Variants in MRPL12 observed in about 807,000 individuals in gnomAD.
MRPL12 encodes the protein mitochondrial ribosomal protein L12.
Under a neutral mutation model 21.1 loss-of-function variants are expected in MRPL12, and 13 were observed. The ratio of observed to expected loss-of-function variants is 0.62; its 90% CI spans 0.40 to 0.98. The LOEUF (loss-of-function observed/expected upper bound fraction) is 0.98, where lower values mean the gene tolerates loss of function less well. MRPL12 is among the 50% of genes least tolerant of loss of function. The pLI is 0.00. For synonymous variants in MRPL12, 126 were observed against 115.3 expected, an observed-to-expected ratio of 1.09 and a Z score of -0.60; for missense variants, 251 against 268.6, an observed-to-expected ratio of 0.93 and a Z score of 0.46.
At position 81,707,249 on chromosome 17, in the gene MRPL12, T is replaced by G. The variant is rs768058775; in HGVS notation, c.*9T>G. On this transcript the variant is annotated 3_prime_UTR_variant, in exon 5 of 5. Coordinates refer to ENST00000333676, the MANE Select transcript of MRPL12 (RefSeq NM_002949.4). ...CCGTGGTTCTGGAGTAGCCTCCAGC[T>G]CGGAGGACTTGTGTTCAGGGGTCCT... is the stretch of plus-strand genomic sequence containing the variant. 2 of 1,572,362 alleles carry G rather than the reference T, an allele frequency of 1.3e-6. No homozygotes were observed. Among genetic ancestry groups the G allele is most frequent in the South Asian group, 2.4e-5 (2 of 84,644 alleles).
chr17:81,704,001 AAC>A (rs2037285331), intron 1 of MRPL12, among the ~76,000 whole-genome samples: 1 of 152,204 alleles, frequency 6.6e-6, no homozygotes, highest in African/African-American at 2.4e-5. Context: ...GCTGCAAATA[AAC>A]ACGTGGCTTT....
At position 81,706,196 on chromosome 17, in the gene MRPL12, C is replaced by T. The variant is rs553324541; in HGVS notation, c.346-710C>T. 7.9e-5 allele frequency among the ~76,000 whole-genome samples: 12 copies of T among 152,282 alleles called. No homozygotes were observed. The South Asian group carries it at 2.3e-3, about 29-fold the overall frequency. On this transcript the variant is annotated intron_variant, in intron 3 of 4. Coordinates refer to ENST00000333676, the MANE Select transcript of MRPL12 (RefSeq NM_002949.4). ...CACTTTTGGTGTCGTTCTTTCCTGTCTCATAAGTTACGCTTTCTAAGCGAG... is the reference window on the plus strand; with the variant it reads ...CACTTTTGGTGTCGTTCTTTCCTGTTTCATAAGTTACGCTTTCTAAGCGAG...
intron 3 of MRPL12, among the ~76,000 whole-genome samples, chr17:81,705,778 T>C (rs1225913126): frequency 1.3e-5 from 2 of 152,178 alleles, no homozygotes; most frequent in South Asian, 2.1e-4. Flanking sequence ...CCTCAGCCCC[T>C]TTCCCCCACT....
intron 1 of MRPL12, 90 bp downstream of exon 1, chr17:81,703,665 G>C: frequency 1.7e-6 from 2 of 1,180,612 alleles, no homozygotes; most frequent in Non-Finnish European, 2.2e-6. Flanking sequence ...GAGGGCGGCG[G>C]GGCCGGCCTC....
At position 81,704,353 on chromosome 17, in the gene MRPL12, C is replaced by A; in HGVS notation, c.184C>A (p.Pro62Thr). 1 of 1,613,708 alleles carries A rather than the reference C, an allele frequency of 6.2e-7. No homozygotes were observed. The highest frequency in any genetic ancestry group is 8.5e-7 in the Non-Finnish European group (1 of 1,179,952). The change falls in exon 2 of 5, where the codon CCC becomes ACC. Residue 62 changes from proline (P) to threonine (T), a missense_variant. By Grantham distance (38) the Pro-to-Thr change is conservative (BLOSUM62 -1). Coordinates refer to ENST00000333676, the MANE Select transcript of MRPL12 (RefSeq NM_002949.4). ...GGATAACGCCCCCAAGGAGTACCCC[C>A]CCAAGATACAGCAGCTGGTCCAGGA... ...PLDNAPKEYP[P>T]KIQQLVQDIA...
Position 81,707,401 on chromosome 17 carries a change from C to T in MRPL12, c.*161C>T. 1 of 707,126 alleles carries T rather than the reference C, an allele frequency of 1.4e-6. No homozygotes were observed. The highest frequency in any genetic ancestry group is 1.9e-5 in the South Asian group (1 of 51,376). The allele number at this position is 707,126 out of a possible 1,614,324, so 43.8% of individuals were successfully genotyped here. A position where few individuals can be genotyped will look rare whatever the true frequency, so the allele number is the denominator to read the frequency against. On this transcript the variant is annotated 3_prime_UTR_variant, in exon 5 of 5. Transcript: ENST00000333676. ...GGGCCGGACAGGCCGCACAGACCTA[C>T]TGTGGCGGGAGGGAGGGGCGGCTGC... is the stretch of plus-strand genomic sequence containing the variant.
chr17:81,706,849 G>T (rs1011365381), intron 3 of MRPL12, 57 bp from the exon 4 acceptor site: 22 of 1,590,400 alleles, frequency 1.4e-5, no homozygotes, highest in Non-Finnish European at 1.9e-5. Context: ...AGCAGTGGAG[G>T]CGTTAGCTCC....
At chr17:81,703,998 A>G (rs531422491) in intron 1 of MRPL12, among the ~76,000 whole-genome samples, 9 of 152,370 alleles carry the variant, frequency 5.9e-5, no homozygotes, top group African/African-American at 2.2e-4. Context: ...ATGGCTGCAA[A>G]TAAACACGTG....
At position 81,704,613 on chromosome 17, in the gene MRPL12, A is replaced by G. The variant is rs1016011830; in HGVS notation, c.262-20A>G. 1.2e-6 allele frequency: 2 copies of G among 1,613,440 alleles called. No homozygotes were observed. Among genetic ancestry groups the G allele is most frequent in the Non-Finnish European group, 1.7e-6 (2 of 1,179,782 alleles). ...GCTGGTGTGAGGGCCAGCTGTGGAC[A>G]CTGTTCTCTATCTCTGCAGAAAACG... is the stretch of plus-strand genomic sequence containing the variant. On this transcript the variant is annotated intron_variant, in intron 2 of 4. Transcript: ENST00000333676.
rs201489600 is a variant in MRPL12, at chr17:81,704,382, C to T, written c.213C>T (p.Ile71=). 1.9e-6 allele frequency: 3 copies of T among 1,613,580 alleles called. No homozygotes were observed. Among genetic ancestry groups the T allele is most frequent in the African/African-American group, 2.7e-5 (2 of 75,020 alleles). Residue 71 remains isoleucine, a synonymous_variant, in exon 2 of 5, where the codon ATC becomes ATT. Transcript: ENST00000333676. Reference sequence around the variant, plus strand: ...AGATACAGCAGCTGGTCCAGGACATCGCCAGCCTCACTCTCTTGGAAATCT... The same window carrying T: ...AGATACAGCAGCTGGTCCAGGACATTGCCAGCCTCACTCTCTTGGAAATCT... The part of the protein sequence containing the change: ...PPKIQQLVQD[I]ASLTLLEISD...
At position 81,703,515 on chromosome 17, in the gene MRPL12, C is replaced by A; in HGVS notation, c.14C>A (p.Ala5Asp). 1 of 1,483,242 alleles carries A rather than the reference C, an allele frequency of 6.7e-7. No individual in the cohort carries two copies. Among genetic ancestry groups the A allele is most frequent in the Non-Finnish European group, 8.9e-7 (1 of 1,123,050 alleles). The allele number at this position is 1,483,242 out of a possible 1,614,324, so 91.9% of individuals were successfully genotyped here. A position where few individuals can be genotyped will look rare whatever the true frequency, so the allele number is the denominator to read the frequency against. Residue 5 changes from alanine (A) to aspartate (D), a missense_variant, in exon 1 of 5, where the codon GCC becomes GAC. Physicochemically the swap from Ala to Asp is moderately radical, Grantham distance 126 (BLOSUM62 -2). Transcript: ENST00000333676. ...GCCCGCGGACCGATGCTGCCGGCGG[C>A]CGCTCGCCCCCTGTGGGGGCCTTGC... MLPA[A>D]ARPLWGPCLG...
Position 81,704,632 on chromosome 17 carries a change from GA to G in MRPL12, c.265del (p.Thr89ArgfsTer2). 6.2e-7 allele frequency: 1 copy of G among 1,613,944 alleles called. No individual in the cohort carries two copies. Among genetic ancestry groups the G allele is most frequent in the Non-Finnish European group, 8.5e-7 (1 of 1,180,014 alleles). ...EISDLNELLK[K>X]TLKIQDVGLV... ...GTGGACACTGTTCTCTATCTCTGCA[GA>G]AAACGTTGAAGATCCAGGATGTCGG... is the stretch of plus-strand genomic sequence containing the variant. On this transcript the variant is annotated frameshift_variant and splice_region_variant, in exon 3 of 5. Transcript: ENST00000333676. LOFTEE classifies it high-confidence loss of function.
In MRPL12 at chr17:81,707,229, G is replaced by C; in HGVS notation, c.586G>C (p.Val196Leu). The change falls in exon 5 of 5, where the codon GTT becomes CTT. Residue 196 changes from valine to leucine, a missense_variant. By Grantham distance (32) the Val-to-Leu change is conservative (BLOSUM62 1). Coordinates refer to ENST00000333676, the MANE Select transcript of MRPL12 (RefSeq NM_002949.4). ...CCTGGAGGCGGTGGGCGGCACCGTG[G>C]TTCTGGAGTAGCCTCCAGCTCGGAG... ...AALEAVGGTV[V>L]LE The C allele has an allele frequency of 6.3e-7, 1 of 1,595,324 alleles. No homozygotes were observed. The highest frequency in any genetic ancestry group is 2.2e-5 in the East Asian group (1 of 44,680).
chr17:81,704,224 T>C lies in MRPL12; in HGVS notation c.75-20T>C. The stretch of plus-strand genomic sequence containing the variant: ...CATTCCAGGACTGACAAGTCTGTTT[T>C]AATTGGGGGTGGGGGCTAGGCGACA... On this transcript the variant is annotated intron_variant, in intron 1 of 4. Transcript: ENST00000333676. 1 of 1,591,760 alleles carries C rather than the reference T, an allele frequency of 6.3e-7. No individual in the cohort carries two copies.
chr17:81,703,579 C>G lies in MRPL12; in HGVS notation c.74+4C>G. The G allele has an allele frequency of 7.0e-7, 1 of 1,435,186 alleles. No individual in the cohort carries two copies. Among genetic ancestry groups the G allele is most frequent in the South Asian group, 1.4e-5 (1 of 72,056 alleles). The allele number at this position is 1,435,186 out of a possible 1,614,324, so 88.9% of individuals were successfully genotyped here. On this transcript the variant is annotated splice_donor_region_variant and intron_variant, in intron 1 of 4. Transcript: ENST00000333676. ...CCGCTGCGTTCCGCCTTGCCAGGTA[C>G]GCGGGATCCTGGGGCGGTCCGGGCC...
Position 81,707,250 on chromosome 17 carries a change from C to T in MRPL12, c.*10C>T, listed in dbSNP as rs368081864. 6.2e-5 allele frequency: 97 copies of T among 1,572,160 alleles called. No individual in the cohort carries two copies. The highest frequency in any genetic ancestry group is 2.8e-4 in the African/African-American group (21 of 73,742). On this transcript the variant is annotated 3_prime_UTR_variant, in exon 5 of 5. Transcript: ENST00000333676. ...CGTGGTTCTGGAGTAGCCTCCAGCT[C>T]GGAGGACTTGTGTTCAGGGGTCCTG...
chr17:81,706,701 G>A (rs1411274680), intron 3 of MRPL12, among the ~76,000 whole-genome samples: 3 of 152,048 alleles, frequency 2.0e-5, no homozygotes, highest in Admixed American at 6.5e-5. Flanking sequence ...GTGAGACTCC[G>A]TCTCAAAAAA....
At chr17:81,706,525 C>T (rs1316385706) in intron 3 of MRPL12, among the ~76,000 whole-genome samples, 12 of 152,100 alleles carry the variant, frequency 7.9e-5, no homozygotes, top group South Asian at 2.1e-4. Context: ...CACTCCCGTC[C>T]GAGGCATGTT....
rs191706421 is a variant in MRPL12, at chr17:81,706,800, C to T, written c.346-106C>T. ...CAACTCCAGGCTTCGCTGGGGCCTC[C>T]GCTGCACCTCCCTTTGGGGCTTTAG... On this transcript the variant is annotated intron_variant, in intron 3 of 4. Transcript: ENST00000333676. 167 of 1,406,620 alleles carry T rather than the reference C, an allele frequency of 1.2e-4. 1 individual carries two copies. The East Asian group carries it at 3.8e-3, about 32-fold the overall frequency. The allele number at this position is 1,406,620 out of a possible 1,614,324, so 87.1% of individuals were successfully genotyped here.
Sources: gnomAD v4.1 joint callset for allele counts (sites outside exome capture counted in the v4.1 genomes callset) on GRCh38, gnomAD v4.1.1 for gene constraint, MANE v1.5 for transcripts, NCBI Gene and HGNC (gene_info 2026-07-23, HGNC 2026-07-21) for gene names.